The following MORC3 variants were observed in gnomAD, a reference collection of about 807,000 sequenced individuals.
The protein encoded by MORC3 is MORC family CW-type zinc finger protein 3.
A neutral mutation model predicts 109.1 loss-of-function variants in MORC3; 31 were observed. The observed-to-expected ratio is 0.28, with a 90% confidence interval of 0.21 to 0.38. The LOEUF is 0.38. Among genes scored for constraint, MORC3 ranks in the 10% least tolerant of loss-of-function variants. The probability of loss-of-function intolerance (pLI) is 1.00; values close to 1 mark genes in which losing one functional copy is unlikely to be tolerated. For missense variants in MORC3, 867 were observed against 1,135.8 expected, an observed-to-expected ratio of 0.76 and a Z score of 3.40; for synonymous variants, 395 against 380.7, an observed-to-expected ratio of 1.04 and a Z score of -0.44.
intron 9 of MORC3, 61 bp downstream of exon 9, chr21:36,349,469 G>T: frequency 9.2e-7 from 1 of 1,084,430 alleles, no homozygotes. Context: ...CAAGAAAGCA[G>T]GAACTACTCT....
intron 1 of MORC3, among the ~76,000 whole-genome samples, chr21:36,327,484 C>T (rs967966138): frequency 2.6e-5 from 4 of 151,098 alleles, no homozygotes; most frequent in African/African-American, 9.9e-5. Flanking sequence ...GGCAACACTT[C>T]TTCCATAAAA....
rs530160131 is a variant in MORC3, at chr21:36,364,317, C to A, written c.1619+58C>A. 11 of 1,535,996 alleles carry A rather than the reference C, an allele frequency of 7.2e-6. No homozygotes were observed. In the African/African-American group the frequency reaches 1.5e-4, roughly 21 times the overall value. ...AATATTAAACAGAGCTTTTACTTGACACTTCTGTGACAGTGATGCAATTCG... is the reference window on the plus strand; with the variant it reads ...AATATTAAACAGAGCTTTTACTTGAAACTTCTGTGACAGTGATGCAATTCG... On this transcript the variant is annotated intron_variant, in intron 14 of 16. Transcript: ENST00000400485.
At position 36,364,065 on chromosome 21, in the gene MORC3, T is replaced by G. The variant is rs775520894; in HGVS notation, c.1453-28T>G. 2.5e-6 allele frequency: 4 copies of G among 1,606,416 alleles called. No individual in the cohort carries two copies. In the South Asian group the frequency reaches 4.4e-5, roughly 18 times the overall value. On this transcript the variant is annotated intron_variant, in intron 13 of 16. Transcript: ENST00000400485. ...GCATGTCACACTAGAAATAGTTCCT[T>G]TAAGGTGATGATTTTTCCCTCCAAC...
At chr21:36,355,843 C>T (rs1380225328) in intron 9 of MORC3, among the ~76,000 whole-genome samples, 1 of 151,650 alleles carries the variant, frequency 6.6e-6, no homozygotes, top group Non-Finnish European at 1.5e-5. Flanking sequence ...GTGGCCCCAG[C>T]TACTCAGGCG....
At chr21:36,344,807 C>T in intron 7 of MORC3, 100 bp downstream of exon 7, 1 of 1,588,306 alleles carries the variant, frequency 6.3e-7, no homozygotes, top group Non-Finnish European at 8.6e-7. Flanking sequence ...TCTGCTCTAG[C>T]TTTGCCCTCC....
chr21:36,357,459 G>A (rs1008314379), intron 10 of MORC3, among the ~76,000 whole-genome samples: 1 of 151,986 alleles, frequency 6.6e-6, no homozygotes, highest in African/African-American at 2.4e-5. Context: ...GGGTCTCCCT[G>A]TGTTGCCCAG....
intron 15 of MORC3, among the ~76,000 whole-genome samples, chr21:36,371,320 A>G (rs983057437): frequency 6.6e-6 from 1 of 152,178 alleles, no homozygotes. Context: ...ATGACAAAAT[A>G]CAGATGCTCC....
chr21:36,353,841 G>A (rs971318415), intron 9 of MORC3, among the ~76,000 whole-genome samples: 1 of 143,244 alleles, frequency 7.0e-6, no homozygotes, highest in Admixed American at 7.3e-5. Flanking sequence ...CAGGTGATCC[G>A]GCCACCTCGG....
At position 36,338,928 on chromosome 21, in the gene MORC3, G is replaced by C; in HGVS notation, c.608+7G>C. ...TCATTTGGAATCTTAGAAGGTAAAC[G>C]TGGACATAGATGTTGACCGTTTGGG... On this transcript the variant is annotated splice_region_variant and intron_variant, in intron 5 of 16. Coordinates refer to ENST00000400485, the MANE Select transcript of MORC3 (RefSeq NM_015358.3). 6.2e-7 allele frequency: 1 copy of C among 1,604,668 alleles called. No homozygotes were observed. Among genetic ancestry groups the C allele is most frequent in the Non-Finnish European group, 8.5e-7 (1 of 1,175,228 alleles).
intron 13 of MORC3, among the ~76,000 whole-genome samples, chr21:36,363,075 A>G (rs377084244): frequency 1.2e-4 from 18 of 152,178 alleles, no homozygotes; most frequent in African/African-American, 3.6e-4. Flanking sequence ...TTGGTTGAGT[A>G]TAGATTCTCC....
chr21:36,320,279 A>G lies in MORC3; in HGVS notation c.15A>G (p.Pro5=), dbSNP rs1036353861. The G allele has an allele frequency of 1.3e-6, 2 of 1,573,048 alleles. No individual in the cohort carries two copies. The highest frequency in any genetic ancestry group is 1.7e-6 in the Non-Finnish European group (2 of 1,161,580). The change falls in exon 1 of 17, where the codon CCA becomes CCG. Residue 5 remains proline, a synonymous_variant. Transcript: ENST00000400485. MAAQ[P]PRGIRLSALC... ...GCTCGCTCAAGATGGCGGCGCAGCC[A>G]CCCCGCGGGATACGCCTCAGCGCGG...
chr21:36,359,149 T>C (rs541036223), intron 10 of MORC3, among the ~76,000 whole-genome samples: 181 of 152,330 alleles, frequency 1.2e-3, no homozygotes, highest in Non-Finnish European at 2.0e-3. Flanking sequence ...AAATACAATA[T>C]ATTGTAGATT....
intron 6 of MORC3, among the ~76,000 whole-genome samples, chr21:36,343,025 A>G (rs1234831501): frequency 6.6e-6 from 1 of 151,996 alleles, no homozygotes; most frequent in Non-Finnish European, 1.5e-5. Flanking sequence ...GTCTCAAAAA[A>G]TAAAAATAAA....
intron 1 of MORC3, among the ~76,000 whole-genome samples, chr21:36,328,545 T>TG (rs1284656775): frequency 2.0e-5 from 3 of 152,186 alleles, no homozygotes; most frequent in Admixed American, 6.6e-5. Flanking sequence ...TTCGCCATGT[T>TG]GGCCAGGCTG....
At position 36,356,738 on chromosome 21, in the gene MORC3, T is replaced by A. The variant is rs1263921913; in HGVS notation, c.1208+14T>A. 6.9e-7 allele frequency: 1 copy of A among 1,440,856 alleles called. No individual in the cohort carries two copies. The highest frequency in any genetic ancestry group is 2.0e-5 in the Admixed American group (1 of 51,066). 89.3% of individuals were successfully genotyped at this position (1,440,856 alleles called of 1,614,324 possible). On this transcript the variant is annotated intron_variant, in intron 10 of 16. Coordinates refer to ENST00000400485, the MANE Select transcript of MORC3 (RefSeq NM_015358.3). ...TGAAGATATACAGTAAGTACATTTT[T>A]AAAACATATCATTTCACTTAGATAT... is the stretch of plus-strand genomic sequence containing the variant.
intron 14 of MORC3, among the ~76,000 whole-genome samples, chr21:36,365,604 G>A (rs1236466722): frequency 6.6e-6 from 1 of 151,766 alleles, no homozygotes; most frequent in Non-Finnish European, 1.5e-5. Context: ...TTTTTGAGTC[G>A]GAGTTTGGCT....
chr21:36,376,030 C>T lies in MORC3; in HGVS notation c.*734C>T, dbSNP rs1310023389. The stretch of plus-strand genomic sequence containing the variant: ...AGCCCATTTTTGGCTGTTTAGTCAG[C>T]ATGAAGTGGGCATGATAATTTTTTA... On this transcript the variant is annotated 3_prime_UTR_variant, in exon 17 of 17. Transcript: ENST00000400485. 1 of 152,198 alleles carries T rather than the reference C, an allele frequency of 6.6e-6. No individual in the cohort carries two copies. Among genetic ancestry groups the T allele is most frequent in the East Asian group, 1.9e-4 (1 of 5,194 alleles). The allele number at this position is 152,198 out of a possible 1,614,324, so 9.4% of individuals were successfully genotyped here. A position where few individuals can be genotyped will look rare whatever the true frequency, so the allele number is the denominator to read the frequency against.
intron 1 of MORC3, among the ~76,000 whole-genome samples, chr21:36,325,631 ATTC>A (rs2085240315): frequency 6.6e-6 from 1 of 152,204 alleles, no homozygotes; most frequent in African/African-American, 2.4e-5. Flanking sequence ...GACAAACACT[ATTC>A]TACTTTCTGT....
At chr21:36,323,894 A>G (rs2085219535) in intron 1 of MORC3, among the ~76,000 whole-genome samples, 1 of 148,254 alleles carries the variant, frequency 6.7e-6, no homozygotes, top group Non-Finnish European at 1.5e-5. Context: ...TTTTTTTTAG[A>G]GACGGAGTTT....
Sources: allele counts gnomAD v4.1 joint callset (sites outside exome capture counted in the v4.1 genomes callset), GRCh38; gene constraint gnomAD v4.1.1; transcripts MANE v1.5; gene names NCBI Gene and HGNC (gene_info 2026-07-23, HGNC 2026-07-21).